Variants in RAB3IP observed in about 807,000 individuals in gnomAD.
RAB3IP encodes RAB3A interacting protein, also known as rab-3A-interacting protein.
A neutral mutation model predicts 59.1 loss-of-function variants in RAB3IP; 36 were observed. The observed-to-expected ratio is 0.61, with a 90% CI of 0.47 to 0.80. The LOEUF (loss-of-function observed/expected upper bound fraction) is 0.80, where lower values mean the gene tolerates loss of function less well. Ranked by LOEUF, RAB3IP falls within the 30% of genes least tolerant of loss-of-function variation. The pLI, the probability that RAB3IP is intolerant of heterozygous loss-of-function variation, is 0.00. For synonymous variants in RAB3IP, 207 were observed against 191.2 expected (o/e 1.08, Z -0.68); for missense variants, 511 against 536.0 (o/e 0.95, Z 0.46).
Position 69,792,746 on chromosome 12 carries a change from C to T in RAB3IP, c.607-1691C>T, listed in dbSNP as rs180708349. 1.7e-3 allele frequency among the ~76,000 whole-genome samples: 260 copies of T among 152,240 alleles called. 1 individual carries two copies. The highest frequency in any genetic ancestry group is 6.1e-3 in the African/African-American group (253 of 41,536). Reference sequence around the variant, plus strand: ...TATGTTATACCTTTTCACTGTAACCCTTATGTCTGTAGTGGAAAAGTCACC... The same window carrying T: ...TATGTTATACCTTTTCACTGTAACCTTTATGTCTGTAGTGGAAAAGTCACC... On this transcript the variant is annotated intron_variant, in intron 4 of 10. Coordinates refer to ENST00000247833, the MANE Select transcript of RAB3IP (RefSeq NM_022456.5).
chr12:69,783,000 G>C (rs1046276298), intron 3 of RAB3IP, among the ~76,000 whole-genome samples: 2 of 151,820 alleles, frequency 1.3e-5, no homozygotes, highest in African/African-American at 4.8e-5. Context: ...TTACTTCATT[G>C]TTTTCTAACA....
chr12:69,769,695 A>T (rs1335507313), intron 3 of RAB3IP, among the ~76,000 whole-genome samples: 2 of 152,248 alleles, frequency 1.3e-5, no homozygotes, highest in Non-Finnish European at 2.9e-5. Flanking sequence ...ACAGCATTAC[A>T]GTAGGTTGTG....
chr12:69,770,691 A>AT (rs1395196557), intron 3 of RAB3IP, among the ~76,000 whole-genome samples: 6 of 152,082 alleles, frequency 3.9e-5, no homozygotes, highest in African/African-American at 1.4e-4. Flanking sequence ...CCAAGTTACC[A>AT]TTTAAAAAAA....
At position 69,785,426 on chromosome 12, in the gene RAB3IP, A is replaced by T. The variant is rs556349354; in HGVS notation, c.606+611A>T. Among the ~76,000 whole-genome samples the T allele has an allele frequency of 7.0e-4, 107 of 152,320 alleles. No homozygotes were observed. The Middle Eastern group carries it at 0.014, about 19-fold the overall frequency. On this transcript the variant is annotated intron_variant, in intron 4 of 10. Coordinates refer to ENST00000247833, the MANE Select transcript of RAB3IP (RefSeq NM_022456.5). ...GAGGGACAGAGGCACTCATTATTATAGGGAGTTGGCTCTTGCTGTTATGGA... is the reference window on the plus strand; with the variant it reads ...GAGGGACAGAGGCACTCATTATTATTGGGAGTTGGCTCTTGCTGTTATGGA...
At chr12:69,773,104 G>T (rs1315231560) in intron 3 of RAB3IP, among the ~76,000 whole-genome samples, 1 of 152,024 alleles carries the variant, frequency 6.6e-6, no homozygotes, top group Non-Finnish European at 1.5e-5. Context: ...TCAGCTTTCT[G>T]AATATATTCT....
At chr12:69,790,647 C>T (rs560554563) in intron 4 of RAB3IP, among the ~76,000 whole-genome samples, 13 of 151,748 alleles carry the variant, frequency 8.6e-5, no homozygotes, top group African/African-American at 2.9e-4. Flanking sequence ...TGCAATGGTG[C>T]GATCTTGATT....
intron 8 of RAB3IP, among the ~76,000 whole-genome samples, chr12:69,804,515 C>G (rs893020879): frequency 6.6e-6 from 1 of 152,198 alleles, no homozygotes; most frequent in African/African-American, 2.4e-5. Flanking sequence ...TCCCATTTGT[C>G]AATTTTGGCT....
intron 1 of RAB3IP, among the ~76,000 whole-genome samples, chr12:69,744,677 G>A (rs147099154): frequency 0.021 from 2,869 of 137,368 alleles, 90 homozygotes; most frequent in African/African-American, 0.074. Context: ...GGGCGACAGA[G>A]CGAGACTGCA....
intron 3 of RAB3IP, among the ~76,000 whole-genome samples, chr12:69,783,564 C>CGT (rs1565901688): frequency 6.6e-6 from 1 of 152,156 alleles, no homozygotes; most frequent in African/African-American, 2.4e-5. Context: ...TTTAGAGCTT[C>CGT]GTAGCACTCT....
chr12:69,782,134 G>A (rs1322155119), intron 3 of RAB3IP, among the ~76,000 whole-genome samples: 1 of 152,088 alleles, frequency 6.6e-6, no homozygotes. Flanking sequence ...GGCCATTCTA[G>A]TAGGTATGCA....
chr12:69,811,106 G>A (rs1480465591), intron 8 of RAB3IP, among the ~76,000 whole-genome samples: 1 of 152,156 alleles, frequency 6.6e-6, no homozygotes, highest in African/African-American at 2.4e-5. Flanking sequence ...GCTGGAGGCC[G>A]TTATCCTTAG....
chr12:69,745,752 T>C (rs977470112), intron 1 of RAB3IP, among the ~76,000 whole-genome samples: 2 of 152,220 alleles, frequency 1.3e-5, no homozygotes, highest in African/African-American at 4.8e-5. Flanking sequence ...GGTGGTTTAC[T>C]GCACCCAGGA....
chr12:69,771,373 A>G (rs1241326344), intron 3 of RAB3IP, among the ~76,000 whole-genome samples: 12 of 152,060 alleles, frequency 7.9e-5, no homozygotes, highest in Non-Finnish European at 2.9e-5. Flanking sequence ...TCTGCAAAAA[A>G]TAAATTAATC....
At chr12:69,783,355 C>G (rs908659205) in intron 3 of RAB3IP, among the ~76,000 whole-genome samples, 43 of 152,170 alleles carry the variant, frequency 2.8e-4, no homozygotes, top group Non-Finnish European at 1.5e-4. Flanking sequence ...TACTTATTTT[C>G]TCTCTCTAGT....
At chr12:69,789,415 C>T (rs1315601667) in intron 4 of RAB3IP, among the ~76,000 whole-genome samples, 2 of 152,028 alleles carry the variant, frequency 1.3e-5, no homozygotes, top group Admixed American at 1.3e-4. Context: ...TAGAAACTGA[C>T]TCAGTTTTCT....
rs151174580 is a variant in RAB3IP, at chr12:69,763,787, T to C, written c.510+7124T>C. 8.5e-3 allele frequency among the ~76,000 whole-genome samples: 1,297 copies of C among 152,232 alleles called. 24 individuals carry two copies. The highest frequency in any genetic ancestry group is 0.03 in the African/African-American group (1,239 of 41,538). ...CCTCCCCTGTCTAGTAGTCCCCAGT[T>C]TCTATTTTTCCCATCTTTAGGTCCA... On this transcript the variant is annotated intron_variant, in intron 3 of 10. Coordinates refer to ENST00000247833, the MANE Select transcript of RAB3IP (RefSeq NM_022456.5).
In RAB3IP at chr12:69,821,815, A is replaced by G. The variant is rs537393938; in HGVS notation, c.*6369A>G. ...CACCCTTGCTCAGGGTATGCACTCC[A>G]TGGTTTGCTCTATGGCCCACCATCC... On this transcript the variant is annotated 3_prime_UTR_variant, in exon 11 of 11. Transcript: ENST00000247833. The G allele has an allele frequency of 1.3e-4, 20 of 152,250 alleles. No homozygotes were observed. Among genetic ancestry groups the G allele is most frequent in the African/African-American group, 4.8e-4 (20 of 41,530 alleles). The allele number at this position is 152,250 out of a possible 1,614,324, so 9.4% of individuals were successfully genotyped here.
At chr12:69,794,606 A>G in intron 5 of RAB3IP, 92 bp downstream of exon 5, 1 of 951,926 alleles carries the variant, frequency 1.1e-6, no homozygotes, top group Non-Finnish European at 1.6e-6. Context: ...TTCTGATCGT[A>G]AAGTAGTGCT....
intron 3 of RAB3IP, among the ~76,000 whole-genome samples, chr12:69,770,449 T>C (rs1309668691): frequency 6.6e-6 from 1 of 152,238 alleles, no homozygotes; most frequent in Non-Finnish European, 1.5e-5. Context: ...TATACTGTAT[T>C]GTCTTATACA....
Sources: gnomAD v4.1 joint callset for allele counts (sites outside exome capture counted in the v4.1 genomes callset) on GRCh38, gnomAD v4.1.1 for gene constraint, MANE v1.5 for transcripts, NCBI Gene and HGNC (gene_info 2026-07-23, HGNC 2026-07-21) for gene names.